SCP2: variants seen among roughly 807,000 people sequenced by gnomAD.
SCP2 encodes the protein sterol carrier protein 2.
In SCP2, 48 loss-of-function variants were observed where a neutral mutation model predicts 71.4. The ratio of observed to expected loss-of-function variants is 0.67; its 90% confidence interval spans 0.53 to 0.86. The LOEUF (loss-of-function observed/expected upper bound fraction) is 0.86, where lower values mean the gene tolerates loss of function less well. Ranked by LOEUF, SCP2 falls within the 40% of genes least tolerant of loss-of-function variation. The pLI, the probability that SCP2 is intolerant of heterozygous loss-of-function variation, is 0.00. For missense variants in SCP2, 560 were observed against 655.6 expected (o/e 0.85, Z 1.59); for synonymous variants, 220 against 218.1 (o/e 1.01, Z -0.08).
At chr1:52,938,509 A>G (rs1351784855) in intron 1 of SCP2, among the ~76,000 whole-genome samples, 1 of 152,172 alleles carries the variant, frequency 6.6e-6, no homozygotes, top group Non-Finnish European at 1.5e-5. Context: ...GGCCTGTTTC[A>G]GAATTATGCT....
chr1:52,935,268 A>G (rs1281960944), intron 1 of SCP2, among the ~76,000 whole-genome samples: 2 of 151,232 alleles, frequency 1.3e-5, no homozygotes, highest in South Asian at 2.1e-4. Flanking sequence ...CTCCGTTTCA[A>G]AAAAATAAAA....
At chr1:52,990,878 A>G (rs1175406392) in intron 11 of SCP2, among the ~76,000 whole-genome samples, 3 of 152,220 alleles carry the variant, frequency 2.0e-5, no homozygotes, top group African/African-American at 7.2e-5. Flanking sequence ...TTAGATAGAT[A>G]AAGAATGAAA....
chr1:53,006,795 G>A (rs935510112), intron 11 of SCP2, among the ~76,000 whole-genome samples: 4 of 152,096 alleles, frequency 2.6e-5, no homozygotes, highest in Admixed American at 1.3e-4. Flanking sequence ...AACCTTAAAT[G>A]TAAATGGGCT....
intron 11 of SCP2, among the ~76,000 whole-genome samples, chr1:53,014,062 ATT>A (rs35223104): frequency 9.9e-5 from 13 of 131,384 alleles, no homozygotes; most frequent in Admixed American, 1.5e-4. Context: ...CGCCCGGCTA[ATT>A]TTTTTTTTTT....
chr1:52,934,204 C>T (rs1028920256), intron 1 of SCP2, among the ~76,000 whole-genome samples: 9 of 152,056 alleles, frequency 5.9e-5, no homozygotes, highest in Non-Finnish European at 1.2e-4. Context: ...TCAGCAGTCA[C>T]GTCAAGGAAA....
chr1:53,034,584 A>T (rs1662788206), intron 13 of SCP2, among the ~76,000 whole-genome samples: 1 of 152,192 alleles, frequency 6.6e-6, no homozygotes, highest in Non-Finnish European at 1.5e-5. Context: ...TGAATATTTT[A>T]AAAGAGTGAA....
chr1:53,025,479 G>T (rs551878572), intron 12 of SCP2, among the ~76,000 whole-genome samples: 1 of 152,194 alleles, frequency 6.6e-6, no homozygotes, highest in South Asian at 2.1e-4. Flanking sequence ...TATACTTACT[G>T]TGCCTTAAAC....
chr1:52,960,707 ATATT>A (rs985958583), intron 5 of SCP2, among the ~76,000 whole-genome samples: 2 of 134,490 alleles, frequency 1.5e-5, no homozygotes, highest in Admixed American at 7.4e-5. Flanking sequence ...TTGTGTGTAT[ATATT>A]ATGTGCGTGT....
At chr1:53,024,398 A>G (rs1415251501) in intron 12 of SCP2, among the ~76,000 whole-genome samples, 1 of 152,130 alleles carries the variant, frequency 6.6e-6, no homozygotes, top group African/African-American at 2.4e-5. Context: ...TGGTTGCACA[A>G]CATTATGACT....
chr1:52,952,349 C>A (rs1198893892), intron 4 of SCP2, among the ~76,000 whole-genome samples: 2 of 151,788 alleles, frequency 1.3e-5, no homozygotes, highest in Non-Finnish European at 2.9e-5. Context: ...GGATATATCA[C>A]ATTAAAAAAA....
At chr1:53,045,049 C>T (rs60610948) in intron 14 of SCP2, among the ~76,000 whole-genome samples, 2,816 of 152,256 alleles carry the variant, frequency 0.018, 86 homozygotes, top group African/African-American at 0.064. Context: ...AGCCCATCAC[C>T]TGTTTTTTTG....
chr1:52,975,589 G>T (rs893689782), intron 7 of SCP2, among the ~76,000 whole-genome samples: 1 of 152,198 alleles, frequency 6.6e-6, no homozygotes, highest in African/African-American at 2.4e-5. Flanking sequence ...TTACAGGTGT[G>T]AGCCACCATG....
At chr1:52,964,533 A>G (rs946120262) in intron 6 of SCP2, among the ~76,000 whole-genome samples, 2 of 152,096 alleles carry the variant, frequency 1.3e-5, no homozygotes, top group African/African-American at 4.8e-5. Flanking sequence ...GATATGCTTC[A>G]TTTTTAGAGG....
intron 5 of SCP2, among the ~76,000 whole-genome samples, chr1:52,959,810 T>A (rs1472945920): frequency 1.3e-5 from 2 of 152,086 alleles, no homozygotes; most frequent in African/African-American, 4.8e-5. Flanking sequence ...TCTCTCTTTT[T>A]CCATGGTCAT....
chr1:53,048,008 C>T (rs1406272240), intron 15 of SCP2, 71 bp downstream of exon 15: 1 of 1,071,166 alleles, frequency 9.3e-7, no homozygotes, highest in East Asian at 2.4e-5. Flanking sequence ...TCTCCTGACT[C>T]AGACTCTAAA....
intron 11 of SCP2, chr1:52,993,812 T>C (rs939635262): frequency 6.5e-7 from 1 of 1,528,726 alleles, no homozygotes; most frequent in Non-Finnish European, 8.8e-7. Context: ...ATCAATATCC[T>C]GAATTTGGTA....
At chr1:52,939,295 C>G (rs984305251) in intron 1 of SCP2, among the ~76,000 whole-genome samples, 1 of 152,152 alleles carries the variant, frequency 6.6e-6, no homozygotes, top group Non-Finnish European at 1.5e-5. Flanking sequence ...ACTGTAATCC[C>G]AGCACTTTGA....
intron 13 of SCP2, among the ~76,000 whole-genome samples, chr1:53,038,380 C>T (rs958240129): frequency 1.3e-5 from 2 of 152,116 alleles, no homozygotes; most frequent in East Asian, 3.9e-4. Flanking sequence ...TCCCTCCTTC[C>T]CTTCCACCAG....
chr1:53,034,113 A>C (rs1207992237), intron 13 of SCP2, among the ~76,000 whole-genome samples: 2 of 151,862 alleles, frequency 1.3e-5, no homozygotes, highest in South Asian at 2.1e-4. Flanking sequence ...AAAACACCAA[A>C]ATTTTTAGTA....
Sources: gnomAD v4.1 joint callset for allele counts (sites outside exome capture counted in the v4.1 genomes callset) on GRCh38, gnomAD v4.1.1 for gene constraint, MANE v1.5 for transcripts, NCBI Gene and HGNC (gene_info 2026-07-23, HGNC 2026-07-21) for gene names.